The following NREP variants were observed in gnomAD, a reference collection of about 807,000 sequenced individuals.
NREP encodes the protein neuronal regeneration-related protein.
In NREP, 5 loss-of-function variants were observed where a neutral mutation model predicts 8.6. The observed-to-expected ratio is 0.58, with a 90% confidence interval of 0.30 to 1.22. The LOEUF (loss-of-function observed/expected upper bound fraction) is 1.22. NREP is among the 50% of genes most tolerant of loss of function. The pLI is 0.07. For synonymous variants in NREP, 27 were observed against 28.0 expected, an observed-to-expected ratio of 0.96 and a Z score of 0.11; for missense variants, 86 against 82.5, an observed-to-expected ratio of 1.04 and a Z score of -0.17.
intron 2 of NREP, among the ~76,000 whole-genome samples, chr5:111,826,892 G>A (rs146261518): frequency 3.5e-4 from 53 of 152,220 alleles, no homozygotes; most frequent in African/African-American, 1.2e-3. Context: ...GTTGAAAGAG[G>A]GTTGGAATGG....
At chr5:111,852,465 G>A (rs982563419) in intron 2 of NREP, among the ~76,000 whole-genome samples, 14 of 152,026 alleles carry the variant, frequency 9.2e-5, no homozygotes, top group Non-Finnish European at 2.1e-4. Context: ...GAGATTCTCA[G>A]GTTTACAATC....
At position 111,972,324 on chromosome 5, in the gene NREP, C is replaced by T. The variant is rs947824454; in HGVS notation, c.135+2950G>A. On this transcript the variant is annotated intron_variant, in intron 2 of 3. Coordinates refer to the NREP transcript ENST00000395634. ...GGTACAGTCATTATGAAAAACAGTA[C>T]GTAGCATCCTCAAAAAGTTAAAAAT... 5.3e-5 allele frequency among the ~76,000 whole-genome samples: 8 copies of T among 152,118 alleles called. No homozygotes were observed. In the South Asian group the frequency reaches 8.3e-4, roughly 16 times the overall value.
intron 2 of NREP, among the ~76,000 whole-genome samples, chr5:111,788,032 G>C (rs1751651783): frequency 6.6e-6 from 1 of 152,094 alleles, no homozygotes; most frequent in African/African-American, 2.4e-5. Context: ...GGGGGAGTCT[G>C]CTGTAAACCA....
chr5:111,816,227 T>A (rs1371908002), intron 2 of NREP, among the ~76,000 whole-genome samples: 1 of 152,210 alleles, frequency 6.6e-6, no homozygotes, highest in Non-Finnish European at 1.5e-5. Flanking sequence ...AGTGAATGCT[T>A]TGCCAAGAGG....
chr5:111,970,473 C>T (rs1449571043), intron 2 of NREP, among the ~76,000 whole-genome samples: 1 of 152,150 alleles, frequency 6.6e-6, no homozygotes, highest in Non-Finnish European at 1.5e-5. Flanking sequence ...CTCTAGCGTG[C>T]CTATTTCCCA....
upstream of NREP, chr5:111,758,012 T>G (rs1215838832): frequency 1.0e-6 from 1 of 985,416 alleles, no homozygotes; most frequent in African/African-American, 1.7e-5. Flanking sequence ...TTTATGTGCC[T>G]GTCCTGAGCG....
At chr5:111,881,336 G>T (rs995508668) in intron 2 of NREP, among the ~76,000 whole-genome samples, 1 of 152,198 alleles carries the variant, frequency 6.6e-6, no homozygotes, top group Non-Finnish European at 1.5e-5. Flanking sequence ...AGCTCCAACT[G>T]GGTGGAGCCC....
chr5:111,811,550 C>T (rs993746019), intron 2 of NREP, among the ~76,000 whole-genome samples: 1 of 152,182 alleles, frequency 6.6e-6, no homozygotes, highest in Non-Finnish European at 1.5e-5. Flanking sequence ...CTATCTCTGA[C>T]CTTCTGTTCA....
chr5:111,795,270 T>G (rs1035524165), intron 2 of NREP, among the ~76,000 whole-genome samples: 9 of 152,218 alleles, frequency 5.9e-5, no homozygotes, highest in Non-Finnish European at 1.2e-4. Flanking sequence ...GGGAGTGGAC[T>G]GGCTGCCTCA....
chr5:111,942,235 T>A (rs1755849966), intron 2 of NREP, among the ~76,000 whole-genome samples: 1 of 152,054 alleles, frequency 6.6e-6, no homozygotes, highest in Non-Finnish European at 1.5e-5. Flanking sequence ...ATGTTTATAT[T>A]TTTTAATATT....
chr5:111,761,036 A>G (rs970480239), upstream of NREP, among the ~76,000 whole-genome samples: 3 of 152,208 alleles, frequency 2.0e-5, no homozygotes, highest in African/African-American at 7.2e-5. Flanking sequence ...AGGTTAGTAG[A>G]AAAGTGGTTA....
At chr5:111,968,455 T>C (rs1756708516) in intron 2 of NREP, among the ~76,000 whole-genome samples, 1 of 152,168 alleles carries the variant, frequency 6.6e-6, no homozygotes, top group Non-Finnish European at 1.5e-5. Context: ...TTTAAGAAGT[T>C]GTTATACAGA....
intron 2 of NREP, among the ~76,000 whole-genome samples, chr5:111,955,545 C>A (rs1475633220): frequency 6.7e-6 from 1 of 150,298 alleles, no homozygotes; most frequent in Non-Finnish European, 1.5e-5. Context: ...AGAAAAACAA[C>A]TTTTCCTTAT....
intron 3 of NREP, chr5:111,734,689 T>C (rs376493727): frequency 1.4e-6 from 1 of 699,478 alleles, no homozygotes. Context: ...ATTACACTTA[T>C]GAAACTTTCA....
intron 2 of NREP, among the ~76,000 whole-genome samples, chr5:111,832,272 C>G (rs1322762019): frequency 6.6e-6 from 1 of 152,052 alleles, no homozygotes; most frequent in Non-Finnish European, 1.5e-5. Flanking sequence ...AATCCTAGCA[C>G]TTTGGGAGGC....
chr5:111,791,097 G>A (rs908489716), intron 2 of NREP, among the ~76,000 whole-genome samples: 4 of 152,104 alleles, frequency 2.6e-5, no homozygotes, highest in African/African-American at 9.7e-5. Flanking sequence ...TTTTGTAATT[G>A]ACAAATGAAC....
intron 2 of NREP, among the ~76,000 whole-genome samples, chr5:111,961,681 G>A (rs1756484469): frequency 6.6e-6 from 1 of 152,092 alleles, no homozygotes; most frequent in Non-Finnish European, 1.5e-5. Flanking sequence ...TGCATATAAT[G>A]TCTTCCTGTT....
intron 2 of NREP, among the ~76,000 whole-genome samples, chr5:111,763,430 T>G (rs1216670087): frequency 2.0e-5 from 3 of 152,202 alleles, no homozygotes; most frequent in Non-Finnish European, 4.4e-5. Flanking sequence ...TTTTGAAAAT[T>G]ATGGTGCTTT....
At chr5:111,749,077 G>A (rs944998425) in intron 2 of NREP, among the ~76,000 whole-genome samples, 15 of 152,062 alleles carry the variant, frequency 9.9e-5, no homozygotes, top group Non-Finnish European at 1.3e-4. Context: ...GGAATCCTGG[G>A]GCAGTTGAGA....
Sources: gnomAD v4.1 joint callset for allele counts (sites outside exome capture counted in the v4.1 genomes callset) on GRCh38, gnomAD v4.1.1 for gene constraint, MANE v1.5 for transcripts, NCBI Gene and HGNC (gene_info 2026-07-23, HGNC 2026-07-21) for gene names.